HDX: variants seen among roughly 807,000 people sequenced by gnomAD.
HDX encodes chromosome X open reading frame 43.
A neutral mutation model predicts 45.2 loss-of-function variants in HDX; 19 were observed. That is an observed-to-expected ratio of 0.42 (90% CI 0.29 to 0.62). The LOEUF (loss-of-function observed/expected upper bound fraction) is 0.62. Ranked by LOEUF, HDX falls within the 20% of genes least tolerant of loss-of-function variation. The pLI is 0.20. For missense variants in HDX, 532 were observed against 493.9 expected, an observed-to-expected ratio of 1.08 and a Z score of -0.73; for synonymous variants, 188 against 172.8, an observed-to-expected ratio of 1.09 and a Z score of -0.69.
chrX:84,474,026 C>T (rs1027615801), intron 3 of HDX, among the ~76,000 whole-genome samples: 3 of 112,155 alleles, frequency 2.7e-5, no homozygotes, highest in African/African-American at 9.7e-5. Context: ...CGCGGTGGCT[C>T]ACGCCTGTGA....
In HDX at chrX:84,420,071, G is replaced by A. The variant is rs753883346; in HGVS notation, c.1305+20461C>T. 2.1e-4 allele frequency among the ~76,000 whole-genome samples: 23 copies of A among 111,263 alleles called. No homozygotes were observed. In the South Asian group the frequency reaches 6.1e-3, roughly 30 times the overall value. On this transcript the variant is annotated intron_variant, in intron 5 of 10. Coordinates refer to ENST00000373177, the MANE Select transcript of HDX (RefSeq NM_001177479.2). ...CCAGAGAGTGAAGACTACAATAAAT[G>A]CCTAACTCATCAATTCCCAGACACT...
chrX:84,436,814 T>C (rs575660157), intron 5 of HDX, among the ~76,000 whole-genome samples: 5 of 76,055 alleles, frequency 6.6e-5, no homozygotes, highest in African/African-American at 2.6e-4. Flanking sequence ...TGAAAATGTT[T>C]TGTAAATGTT....
In HDX at chrX:84,351,575, A is replaced by G. The variant is rs371790214; in HGVS notation, c.1453-7118T>C. Among the ~76,000 whole-genome samples the G allele has an allele frequency of 2.7e-4, 30 of 111,255 alleles. No individual in the cohort carries two copies. The East Asian group carries it at 7.4e-3, about 28-fold the overall frequency. On this transcript the variant is annotated intron_variant, in intron 6 of 10. Transcript: ENST00000373177. ...CTGCCCTTTTCCTGGTTCTTGGCTGAGAGAGGCCAGGCTTTTCTTTTTCTT... is the reference window on the plus strand; with the variant it reads ...CTGCCCTTTTCCTGGTTCTTGGCTGGGAGAGGCCAGGCTTTTCTTTTTCTT...
intron 6 of HDX, among the ~76,000 whole-genome samples, chrX:84,357,974 T>C (rs985867699): frequency 9.0e-6 from 1 of 111,671 alleles, no homozygotes; most frequent in African/African-American, 3.3e-5. Context: ...TGCTATCATT[T>C]TGGGCCTTGA....
At chrX:84,340,137 A>T (rs1375480431) in intron 7 of HDX, among the ~76,000 whole-genome samples, 3 of 110,929 alleles carry the variant, frequency 2.7e-5, no homozygotes, top group African/African-American at 9.8e-5. Context: ...TGGAAGTTAG[A>T]GGTAAGTCAG....
chrX:84,410,243 G>A (rs2038954236), intron 5 of HDX, among the ~76,000 whole-genome samples: 1 of 110,680 alleles, frequency 9.0e-6, no homozygotes, highest in Non-Finnish European at 1.9e-5. Context: ...CACTGTTCAA[G>A]GGGAATGTCC....
At chrX:84,415,965 T>A (rs143503535) in intron 5 of HDX, among the ~76,000 whole-genome samples, 1 of 112,376 alleles carries the variant, frequency 8.9e-6, no homozygotes, top group Non-Finnish European at 1.9e-5. Flanking sequence ...CCAGATGGCT[T>A]GACACTCATA....
intron 4 of HDX, among the ~76,000 whole-genome samples, chrX:84,441,906 ATT>A (rs1352612889): frequency 2.7e-5 from 3 of 111,369 alleles, no homozygotes; most frequent in Non-Finnish European, 5.7e-5. Context: ...TACAAATCCT[ATT>A]CAACTGTATG....
At chrX:84,416,240 C>G (rs190933011) in intron 5 of HDX, among the ~76,000 whole-genome samples, 32 of 111,599 alleles carry the variant, frequency 2.9e-4, no homozygotes, top group African/African-American at 1.0e-3. Context: ...TTTCTAACAT[C>G]ATCTTATCGA....
At chrX:84,392,545 T>A (rs2038465704) in intron 5 of HDX, among the ~76,000 whole-genome samples, 1 of 111,420 alleles carries the variant, frequency 9.0e-6, no homozygotes, top group Non-Finnish European at 1.9e-5. Context: ...TTTCAATATG[T>A]GTGCATGGGG....
chrX:84,404,955 T>C (rs1352862882), intron 5 of HDX, among the ~76,000 whole-genome samples: 4 of 111,521 alleles, frequency 3.6e-5, no homozygotes, highest in African/African-American at 6.5e-5. Context: ...AATCTAGATT[T>C]GCCTATACAT....
intron 10 of HDX, among the ~76,000 whole-genome samples, chrX:84,324,977 A>T (rs1210191258): frequency 9.0e-6 from 1 of 111,491 alleles, no homozygotes; most frequent in African/African-American, 3.2e-5. Flanking sequence ...TATGTCGTGG[A>T]ATATACATAA....
intron 9 of HDX, among the ~76,000 whole-genome samples, chrX:84,327,535 T>TA (rs1237974256): frequency 1.4e-4 from 15 of 110,942 alleles, no homozygotes; most frequent in African/African-American, 3.9e-4. Context: ...ACCCAATAGA[T>TA]AAAAAAAGTA....
At position 84,320,413 on chromosome X, in the gene HDX, C is replaced by T. The variant is rs2036574321; in HGVS notation, c.*1476G>A. The T allele has an allele frequency of 9.0e-6, 1 of 110,576 alleles. No homozygotes were observed. Among genetic ancestry groups the T allele is most frequent in the African/African-American group, 3.3e-5 (1 of 30,619 alleles). The allele number at this position is 110,576 out of a possible 1,213,427, so 9.1% of individuals were successfully genotyped here. ...TATTTGTGTGTGTGGGAGGATGGGA[C>T]ACTTCAAGGGTAAAGACATTTATGA... On this transcript the variant is annotated 3_prime_UTR_variant, in exon 11 of 11. Coordinates refer to ENST00000373177, the MANE Select transcript of HDX (RefSeq NM_001177479.2).
At chrX:84,473,232 T>A (rs1010147424) in intron 3 of HDX, among the ~76,000 whole-genome samples, 12 of 106,980 alleles carry the variant, frequency 1.1e-4, no homozygotes, top group African/African-American at 4.1e-4. Flanking sequence ...TGGGATCAAG[T>A]TCTTAATACA....
chrX:84,326,434 A>T, intron 9 of HDX, 134 bp from the exon 10 acceptor site: 1 of 448,838 alleles, frequency 2.2e-6, no homozygotes, highest in East Asian at 3.9e-5. Context: ...AACATAAAGG[A>T]ATACAAAGCA....
chrX:84,474,995 A>C (rs1050063426), intron 3 of HDX, among the ~76,000 whole-genome samples: 7 of 111,963 alleles, frequency 6.3e-5, no homozygotes, highest in Non-Finnish European at 1.1e-4. Flanking sequence ...TCTTAAATGT[A>C]TTTATTAGTT....
At chrX:84,426,643 G>T (rs895529387) in intron 5 of HDX, among the ~76,000 whole-genome samples, 2 of 110,381 alleles carry the variant, frequency 1.8e-5, no homozygotes, top group Non-Finnish European at 3.8e-5. Flanking sequence ...TATTAGGGGT[G>T]GGGGATATGG....
chrX:84,426,881 T>C (rs745890217), intron 5 of HDX, among the ~76,000 whole-genome samples: 28 of 110,759 alleles, frequency 2.5e-4, no homozygotes, highest in Non-Finnish European at 4.6e-4. Context: ...TCATTATGTA[T>C]ATCTATATCA....
Sources: gnomAD v4.1 joint callset for allele counts (sites outside exome capture counted in the v4.1 genomes callset) on GRCh38, gnomAD v4.1.1 for gene constraint, MANE v1.5 for transcripts, NCBI Gene and HGNC (gene_info 2026-07-23, HGNC 2026-07-21) for gene names.